Variants in SLC35F4 observed in about 807,000 individuals in gnomAD.
SLC35F4 encodes the protein solute carrier family 35 member F4, also known as chromosome 14 open reading frame 36.
SLC35F4 carries 24 observed loss-of-function variants against 44.2 expected under a neutral mutation model. The observed-to-expected ratio is 0.54, with a 90% confidence interval of 0.39 to 0.76. The LOEUF (loss-of-function observed/expected upper bound fraction) is 0.76. SLC35F4 is among the 30% of genes least tolerant of loss of function. The pLI is 0.00. For synonymous variants in SLC35F4, 238 were observed against 223.6 expected (o/e 1.06, Z -0.57); for missense variants, 562 against 586.1 (o/e 0.96, Z 0.42).
intron 4 of SLC35F4, among the ~76,000 whole-genome samples, chr14:57,572,930 T>C (rs1330666167): frequency 6.6e-6 from 1 of 152,200 alleles, no homozygotes; most frequent in Non-Finnish European, 1.5e-5. Context: ...CCTTGTGAAA[T>C]GGTTTCACTG....
At chr14:57,670,673 G>C (rs1265384687) in intron 1 of SLC35F4, among the ~76,000 whole-genome samples, 2 of 151,946 alleles carry the variant, frequency 1.3e-5, no homozygotes, top group African/African-American at 4.8e-5. Flanking sequence ...GTTCTAGTTT[G>C]ATTGCACTGT....
chr14:57,718,163 C>T (rs1436024465), intron 1 of SLC35F4, among the ~76,000 whole-genome samples: 1 of 152,158 alleles, frequency 6.6e-6, no homozygotes, highest in Non-Finnish European at 1.5e-5. Context: ...CATGCTGTTG[C>T]AAATGGTAGT....
chr14:57,863,758 A>C (rs1408963041), intron 1 of SLC35F4, among the ~76,000 whole-genome samples: 3 of 152,206 alleles, frequency 2.0e-5, no homozygotes, highest in Non-Finnish European at 2.9e-5. Flanking sequence ...TACTTCCGAA[A>C]GCATGAGCAT....
At chr14:57,679,525 A>G (rs2140298760) in intron 1 of SLC35F4, among the ~76,000 whole-genome samples, 1 of 152,200 alleles carries the variant, frequency 6.6e-6, no homozygotes, top group Middle Eastern at 3.4e-3. Context: ...AACTAAGATT[A>G]GAGCAGAACT....
intron 1 of SLC35F4, among the ~76,000 whole-genome samples, chr14:57,927,999 T>C (rs1889615612): frequency 6.6e-6 from 1 of 152,016 alleles, no homozygotes; most frequent in South Asian, 2.1e-4. Flanking sequence ...ACATTTAAAT[T>C]TGTGATGAAA....
intron 1 of SLC35F4, among the ~76,000 whole-genome samples, chr14:57,727,402 T>G (rs1341328002): frequency 2.0e-5 from 3 of 152,040 alleles, no homozygotes; most frequent in Non-Finnish European, 4.4e-5. Context: ...CAAATTCACT[T>G]ATTTTTGCTC....
At chr14:57,915,051 A>C (rs955180523) in intron 1 of SLC35F4, among the ~76,000 whole-genome samples, 11 of 152,172 alleles carry the variant, frequency 7.2e-5, no homozygotes, top group African/African-American at 2.4e-4. Context: ...AAGCCTGCAG[A>C]CAAAACCACA....
intron 1 of SLC35F4, among the ~76,000 whole-genome samples, chr14:57,667,737 T>A (rs1324826092): frequency 2.0e-5 from 3 of 151,726 alleles, no homozygotes; most frequent in Non-Finnish European, 4.4e-5. Flanking sequence ...TCTATCATTG[T>A]TGGACATTTG....
chr14:57,567,163 A>G (rs532034537), intron 6 of SLC35F4, among the ~76,000 whole-genome samples: 1 of 152,364 alleles, frequency 6.6e-6, no homozygotes, highest in South Asian at 2.1e-4. Flanking sequence ...CTGAAGGTGT[A>G]GCTCCATGCT....
At chr14:57,929,990 G>C (rs573737767) in intron 1 of SLC35F4, among the ~76,000 whole-genome samples, 1 of 152,228 alleles carries the variant, frequency 6.6e-6, no homozygotes, top group East Asian at 1.9e-4. Context: ...TTTTCAGAGA[G>C]AGCATGTTTC....
downstream of SLC35F4, among the ~76,000 whole-genome samples, chr14:57,975,599 A>C (rs7145436): frequency 0.16 from 25,001 of 152,154 alleles, 2,323 homozygotes; most frequent in African/African-American, 0.26. Flanking sequence ...CGAAAATTTC[A>C]GAAAAATGGA....
intron 1 of SLC35F4, among the ~76,000 whole-genome samples, chr14:57,597,682 TAATC>T (rs1182251911): frequency 1.3e-5 from 2 of 152,192 alleles, no homozygotes; most frequent in Non-Finnish European, 2.9e-5. Context: ...GAACAGGACT[TAATC>T]AGGCAGAGGT....
chr14:57,945,527 G>T (rs904291151), intron 1 of SLC35F4, among the ~76,000 whole-genome samples: 3 of 131,148 alleles, frequency 2.3e-5, no homozygotes, highest in Non-Finnish European at 4.6e-5. Context: ...TGTTTGATGG[G>T]CATTTAGGCT....
chr14:57,771,564 A>AT (rs1288352699), intron 1 of SLC35F4, among the ~76,000 whole-genome samples: 14 of 32,520 alleles, frequency 4.3e-4, no homozygotes, highest in African/African-American at 4.0e-3. Flanking sequence ...CACTTCACAA[A>AT]TTTTTTCAAC....
chr14:57,875,295 C>T (rs1402059344), intron 1 of SLC35F4, among the ~76,000 whole-genome samples: 1 of 152,144 alleles, frequency 6.6e-6, no homozygotes, highest in Non-Finnish European at 1.5e-5. Context: ...CTCTAATTTC[C>T]TTCCTTTCTT....
chr14:57,745,157 C>G (rs1225969164), intron 1 of SLC35F4, among the ~76,000 whole-genome samples: 1 of 152,202 alleles, frequency 6.6e-6, no homozygotes, highest in African/African-American at 2.4e-5. Flanking sequence ...CAATACCATT[C>G]AGGACATAGG....
chr14:57,577,122 A>G (rs564643849), intron 4 of SLC35F4, among the ~76,000 whole-genome samples: 1 of 152,344 alleles, frequency 6.6e-6, no homozygotes, highest in South Asian at 2.1e-4. Flanking sequence ...CAAGATGGAA[A>G]CAAATTGTCA....
At chr14:57,959,073 G>A (rs940486033) in intron 1 of SLC35F4, among the ~76,000 whole-genome samples, 1 of 152,168 alleles carries the variant, frequency 6.6e-6, no homozygotes, top group Non-Finnish European at 1.5e-5. Flanking sequence ...AGAGAGGGAA[G>A]GGGCAGGAGA....
At chr14:57,980,833 A>C (rs1224157046) in intron 1 of SLC35F4, among the ~76,000 whole-genome samples, 2 of 152,220 alleles carry the variant, frequency 1.3e-5, no homozygotes, top group Non-Finnish European at 2.9e-5. Context: ...CTAAATAGCT[A>C]CATGTGGCTA....
Sources: allele counts gnomAD v4.1 joint callset (sites outside exome capture counted in the v4.1 genomes callset), GRCh38; gene constraint gnomAD v4.1.1; transcripts MANE v1.5; gene names NCBI Gene and HGNC (gene_info 2026-07-23, HGNC 2026-07-21).